Variants in FIRRM observed in about 807,000 individuals in gnomAD.
The protein encoded by FIRRM is FIGNL1 interacting regulator of recombination and mitosis.
At chr1:169,798,949 G>A in the FIRRM span, 1 of 1,293,578 alleles carries the variant, frequency 7.7e-7, no homozygotes, top group Non-Finnish European at 1.1e-6. Flanking sequence ...CAGTTGGATT[G>A]AGCATATTCG....
At chr1:169,796,046 CAAAA>C in the FIRRM span, 1 of 866,468 alleles carries the variant, frequency 1.2e-6, no homozygotes, top group East Asian at 1.2e-4. Context: ...CAATTACACT[CAAAA>C]GAAAAAAAGT....
chr1:169,830,350 T>C, the FIRRM span: 2 of 1,611,900 alleles, frequency 1.2e-6, no homozygotes, highest in Non-Finnish European at 1.7e-6. Context: ...CGGTACAACA[T>C]ATTTGCTTTT....
the FIRRM span, chr1:169,792,911 T>G: frequency 6.4e-5 from 103 of 1,613,986 alleles, no homozygotes; most frequent in Non-Finnish European, 1.5e-5. Flanking sequence ...AAATCGGCAT[T>G]TATATAGTTG....
chr1:169,792,243 A>G, the FIRRM span, among the ~76,000 whole-genome samples: 1 of 152,256 alleles, frequency 6.6e-6, no homozygotes, highest in South Asian at 2.1e-4. Context: ...GACTGGGAAG[A>G]AATTCACAGA....
chr1:169,786,061 T>C, the FIRRM span, among the ~76,000 whole-genome samples: 1 of 152,148 alleles, frequency 6.6e-6, no homozygotes, highest in Non-Finnish European at 1.5e-5. Context: ...TGTTGAACAA[T>C]GTTGGGAGAT....
chr1:169,792,891 C>T, the FIRRM span: 1 of 1,614,086 alleles, frequency 6.2e-7, no homozygotes, highest in East Asian at 2.2e-5. Context: ...TCAGACCACT[C>T]ACCAGAAAAA....
the FIRRM span, among the ~76,000 whole-genome samples, chr1:169,834,160 A>C: frequency 6.6e-6 from 1 of 152,096 alleles, no homozygotes; most frequent in African/African-American, 2.4e-5. Context: ...ATGCCTAGAG[A>C]TCTCTTACTC....
At chr1:169,849,220 T>C in the FIRRM span, among the ~76,000 whole-genome samples, 1 of 152,184 alleles carries the variant, frequency 6.6e-6, no homozygotes, top group Non-Finnish European at 1.5e-5. Context: ...GCACTGGAGA[T>C]GGGAGCATGC....
the FIRRM span, chr1:169,847,771 T>G: frequency 1.2e-6 from 2 of 1,612,632 alleles, no homozygotes; most frequent in Admixed American, 1.7e-5. Context: ...TGTATCTTCT[T>G]TAGGAAAACT....
At chr1:169,816,881 G>A in the FIRRM span, among the ~76,000 whole-genome samples, 1 of 152,116 alleles carries the variant, frequency 6.6e-6, no homozygotes, top group Non-Finnish European at 1.5e-5. Context: ...GTGTCCTGTT[G>A]CAAAAGAAAA....
At chr1:169,838,228 T>C in the FIRRM span, among the ~76,000 whole-genome samples, 10,124 of 152,032 alleles carry the variant, frequency 0.067, 428 homozygotes, top group Non-Finnish European at 0.099. Context: ...TGTGAGCCAC[T>C]GTGCCCAGGC....
At chr1:169,830,423 T>A in the FIRRM span, 1 of 1,219,664 alleles carries the variant, frequency 8.2e-7, no homozygotes, top group Non-Finnish European at 1.2e-6. Flanking sequence ...TGTAAGCTTA[T>A]AGAAAAACTG....
chr1:169,822,927 G>C, the FIRRM span, among the ~76,000 whole-genome samples: 1 of 152,252 alleles, frequency 6.6e-6, no homozygotes, highest in South Asian at 2.1e-4. Context: ...GAGTTTTTTA[G>C]CCTCATCCTC....
chr1:169,792,968 T>C, the FIRRM span: 1 of 1,614,014 alleles, frequency 6.2e-7, no homozygotes, highest in Admixed American at 1.7e-5. Flanking sequence ...CTCATTTACA[T>C]CATTTTCTTC....
At chr1:169,805,275 A>G in the FIRRM span, among the ~76,000 whole-genome samples, 1 of 152,214 alleles carries the variant, frequency 6.6e-6, no homozygotes, top group Admixed American at 6.5e-5. Context: ...CTGGGGCACT[A>G]GCTCACCCAT....
chr1:169,842,569 C>A, the FIRRM span: 3 of 1,595,924 alleles, frequency 1.9e-6, no homozygotes, highest in Admixed American at 3.6e-5. Context: ...CTTTCCTTAT[C>A]AAAAAATAGA....
At chr1:169,802,839 A>T in the FIRRM span, 1 of 633,386 alleles carries the variant, frequency 1.6e-6, no homozygotes, top group South Asian at 2.2e-5. Flanking sequence ...TGTTGGAATT[A>T]AATTTATAGA....
the FIRRM span, among the ~76,000 whole-genome samples, chr1:169,835,268 T>C: frequency 6.6e-6 from 1 of 152,304 alleles, no homozygotes; most frequent in East Asian, 1.9e-4. Flanking sequence ...ATGATGCTAA[T>C]TTGGAAGAAA....
At chr1:169,842,631 G>C in the FIRRM span, 1 of 1,438,056 alleles carries the variant, frequency 7.0e-7, no homozygotes, top group Non-Finnish European at 9.4e-7. Context: ...AGAGTAAAAT[G>C]TATCTAATTC....
Sources: gnomAD v4.1 joint callset for allele counts (sites outside exome capture counted in the v4.1 genomes callset) on GRCh38, gnomAD v4.1.1 for gene constraint, MANE v1.5 for transcripts, NCBI Gene and HGNC (gene_info 2026-07-23, HGNC 2026-07-21) for gene names.